Variants in RANBP17 observed in about 807,000 individuals in gnomAD.
RANBP17 encodes RAN binding protein 17.
A neutral mutation model predicts 141.2 loss-of-function variants in RANBP17; 158 were observed. That is an observed-to-expected ratio of 1.12 (90% CI 0.98 to 1.28). The LOEUF is 1.28. Among genes scored for constraint, RANBP17 ranks in the 50% most tolerant of loss-of-function variants. RANBP17 has a pLI of 0.00. For missense variants in RANBP17, 1,438 were observed against 1,290.7 expected, an observed-to-expected ratio of 1.11 and a Z score of -1.75; for synonymous variants, 430 against 450.0, an observed-to-expected ratio of 0.96 and a Z score of 0.56.
intron 13 of RANBP17, among the ~76,000 whole-genome samples, chr5:170,966,739 A>C: frequency 6.6e-6 from 1 of 152,124 alleles, no homozygotes; most frequent in African/African-American, 2.4e-5. Flanking sequence ...AATTAGGAAA[A>C]GAGGAAGTCA....
intron 14 of RANBP17, among the ~76,000 whole-genome samples, chr5:171,007,390 G>A (rs556000582): frequency 6.6e-6 from 1 of 152,252 alleles, no homozygotes; most frequent in East Asian, 1.9e-4. Context: ...GGGTTATAGG[G>A]TAGGGGAGCA....
intron 14 of RANBP17, among the ~76,000 whole-genome samples, chr5:171,138,946 A>G (rs1384837225): frequency 3.3e-5 from 5 of 152,104 alleles, no homozygotes; most frequent in African/African-American, 4.8e-5. Flanking sequence ...AAATGGTGGC[A>G]TGCACCTGTA....
At chr5:171,041,245 T>G (rs531827943) in intron 14 of RANBP17, among the ~76,000 whole-genome samples, 2 of 152,038 alleles carry the variant, frequency 1.3e-5, no homozygotes, top group East Asian at 3.9e-4. Context: ...TATTTGTTAT[T>G]TATTTATTAT....
At chr5:170,987,598 T>G (rs1353857864) in intron 14 of RANBP17, among the ~76,000 whole-genome samples, 1 of 151,710 alleles carries the variant, frequency 6.6e-6, no homozygotes, top group Non-Finnish European at 1.5e-5. Context: ...CATGGTAATA[T>G]ATATTAACTG....
At chr5:170,895,588 G>A (rs1770046646) in intron 4 of RANBP17, among the ~76,000 whole-genome samples, 1 of 152,150 alleles carries the variant, frequency 6.6e-6, no homozygotes, top group African/African-American at 2.4e-5. Context: ...TAGAACAAGA[G>A]ATTTGAATTA....
chr5:171,298,006 A>G (rs1429296073), intron 27 of RANBP17, among the ~76,000 whole-genome samples: 3 of 151,746 alleles, frequency 2.0e-5, no homozygotes, highest in Admixed American at 1.3e-4. Context: ...ACAGGTGCCC[A>G]CCACCACACC....
At chr5:171,011,707 CCTGAGAA>C (rs1780048611) in intron 14 of RANBP17, among the ~76,000 whole-genome samples, 1 of 151,770 alleles carries the variant, frequency 6.6e-6, no homozygotes, top group African/African-American at 2.4e-5. Context: ...TTATATACCT[CCTGAGAA>C]CAAGAATATT....
intron 18 of RANBP17, among the ~76,000 whole-genome samples, chr5:171,196,921 T>C (rs1016138444): frequency 1.3e-5 from 2 of 152,030 alleles, no homozygotes; most frequent in Non-Finnish European, 2.9e-5. Flanking sequence ...TCCAAGTAGG[T>C]AGGATTATAA....
intron 14 of RANBP17, among the ~76,000 whole-genome samples, chr5:171,081,845 T>A (rs892444589): frequency 6.6e-6 from 1 of 152,158 alleles, no homozygotes; most frequent in Admixed American, 6.6e-5. Context: ...ATGCAATTAC[T>A]ATCAGATGAA....
intron 2 of RANBP17, among the ~76,000 whole-genome samples, chr5:170,880,746 C>G (rs1768590927): frequency 6.6e-6 from 1 of 152,172 alleles, no homozygotes; most frequent in South Asian, 2.1e-4. Flanking sequence ...AAAGAATAGT[C>G]CATACTCCAT....
At chr5:171,215,662 G>C (rs2127975118) in intron 21 of RANBP17, among the ~76,000 whole-genome samples, 1 of 152,260 alleles carries the variant, frequency 6.6e-6, no homozygotes, top group East Asian at 1.9e-4. Context: ...TAGTGATGAT[G>C]AGCTTTTTTT....
chr5:170,927,991 A>G (rs1042224489), intron 12 of RANBP17, among the ~76,000 whole-genome samples: 2 of 152,026 alleles, frequency 1.3e-5, no homozygotes, highest in African/African-American at 4.8e-5. Flanking sequence ...TCCCATTAAC[A>G]TTGTATAAGA....
chr5:171,064,584 C>G (rs1462804235), intron 14 of RANBP17, among the ~76,000 whole-genome samples: 1 of 152,202 alleles, frequency 6.6e-6, no homozygotes, highest in Non-Finnish European at 1.5e-5. Context: ...GCAACCTTCT[C>G]CTTCCAGGCT....
At chr5:170,887,697 G>A (rs1313413847) in intron 3 of RANBP17, among the ~76,000 whole-genome samples, 1 of 152,154 alleles carries the variant, frequency 6.6e-6, no homozygotes, top group Non-Finnish European at 1.5e-5. Context: ...TGCTGTCACA[G>A]AATAGCTGAG....
chr5:170,896,026 T>C, intron 4 of RANBP17, 24 bp from the exon 5 acceptor site: 1 of 1,527,112 alleles, frequency 6.5e-7, no homozygotes, highest in South Asian at 1.2e-5. Flanking sequence ...CCACTTAGGC[T>C]AAACTTTGTT....
intron 16 of RANBP17, among the ~76,000 whole-genome samples, chr5:171,181,609 G>A (rs1760865803): frequency 6.6e-6 from 1 of 152,170 alleles, no homozygotes; most frequent in Non-Finnish European, 1.5e-5. Context: ...GCAGGTATAT[G>A]GCTAAGCCAA....
chr5:171,275,995 C>T (rs1767464025), intron 25 of RANBP17, among the ~76,000 whole-genome samples: 1 of 152,144 alleles, frequency 6.6e-6, no homozygotes, highest in Non-Finnish European at 1.5e-5. Flanking sequence ...AGGCCGGCAC[C>T]AGAAACAATC....
At chr5:170,942,314 A>C (rs1421996040) in intron 12 of RANBP17, among the ~76,000 whole-genome samples, 1 of 152,184 alleles carries the variant, frequency 6.6e-6, no homozygotes, top group African/African-American at 2.4e-5. Context: ...ATGTACAATA[A>C]TATTCATAGC....
chr5:171,103,108 C>T (rs1162021007), intron 14 of RANBP17, among the ~76,000 whole-genome samples: 4 of 152,194 alleles, frequency 2.6e-5, no homozygotes. Context: ...CAGTCTGTCC[C>T]TTATCAGAGC....
Sources: allele counts gnomAD v4.1 joint callset (sites outside exome capture counted in the v4.1 genomes callset), GRCh38; gene constraint gnomAD v4.1.1; transcripts MANE v1.5; gene names NCBI Gene and HGNC (gene_info 2026-07-23, HGNC 2026-07-21).